The following PHACTR1 variants were observed in gnomAD, a reference collection of about 807,000 sequenced individuals.
PHACTR1 encodes phosphatase and actin regulator 1, also known as RPEL repeat containing 1.
A neutral mutation model predicts 69.2 loss-of-function variants in PHACTR1; 16 were observed. The observed-to-expected ratio is 0.23, with a 90% CI of 0.16 to 0.35. The LOEUF (loss-of-function observed/expected upper bound fraction) is 0.35. PHACTR1 is among the 10% of genes least tolerant of loss of function. PHACTR1 has a pLI of 1.00. For missense variants in PHACTR1, 510 were observed against 734.7 expected, an observed-to-expected ratio of 0.69 and a Z score of 3.54; for synonymous variants, 312 against 284.5, an observed-to-expected ratio of 1.10 and a Z score of -0.97.
intron 4 of PHACTR1, among the ~76,000 whole-genome samples, chr6:12,932,470 T>A (rs868626887): frequency 2.0e-5 from 3 of 152,182 alleles, no homozygotes; most frequent in Admixed American, 2.0e-4. Flanking sequence ...ATAGGCCTTT[T>A]AAAAAAATAA....
intron 4 of PHACTR1, among the ~76,000 whole-genome samples, chr6:12,860,459 A>C (rs1158907055): frequency 2.6e-5 from 4 of 152,112 alleles, no homozygotes; most frequent in Non-Finnish European, 5.9e-5. Context: ...ATAAACATAC[A>C]TGTGCATGCG....
chr6:13,076,124 A>G (rs972887547), intron 5 of PHACTR1, among the ~76,000 whole-genome samples: 2 of 151,850 alleles, frequency 1.3e-5, no homozygotes, highest in East Asian at 3.9e-4. Flanking sequence ...TTGTTCGACA[A>G]ACACTTACCT....
intron 4 of PHACTR1, among the ~76,000 whole-genome samples, chr6:12,779,332 T>A (rs950886271): frequency 3.9e-5 from 6 of 151,938 alleles, no homozygotes; most frequent in Middle Eastern, 3.2e-3. Context: ...CAAAACTCCA[T>A]CTCAAAAATA....
rs891286947 is a variant in PHACTR1 at position 12,980,988 on chromosome 6, C to T, written c.251-72377C>T. ...ATGCCTGGGGATGTGCTTCCATTCT[C>T]CTTGACATAAACCTGGTCAGCTTCC... On this transcript the variant is annotated intron_variant, in intron 4 of 14. Transcript: ENST00000332995. 5.9e-5 allele frequency among the ~76,000 whole-genome samples: 9 copies of T among 152,360 alleles called. No homozygotes were observed. The South Asian group carries it at 1.9e-3, about 32-fold the overall frequency.
At position 13,160,265 on chromosome 6, in the gene PHACTR1, G is replaced by A. The variant is rs1194598595; in HGVS notation, c.477G>A (p.Leu159=). The stretch of plus-strand genomic sequence containing the variant: ...AAGAGCTGATAAAGCGAGGAGTCCT[G>A]AAGGAAATCTATGATAAAGGTAAGG... The part of the protein sequence containing the change: ...SREELIKRGV[L]KEIYDKDGEL... Residue 159 remains leucine, a synonymous_variant, in exon 6 of 15, where the codon CTG becomes CTA. Transcript: ENST00000332995. 1 of 1,613,634 alleles carries A rather than the reference G, an allele frequency of 6.2e-7. No homozygotes were observed. Among genetic ancestry groups the A allele is most frequent in the East Asian group, 2.2e-5 (1 of 44,868 alleles).
At chr6:13,061,146 A>C (rs1446929787) in intron 5 of PHACTR1, among the ~76,000 whole-genome samples, 1 of 152,094 alleles carries the variant, frequency 6.6e-6, no homozygotes, top group African/African-American at 2.4e-5. Flanking sequence ...TCTGTGTCTC[A>C]AGTCTCTCTC....
intron 5 of PHACTR1, among the ~76,000 whole-genome samples, chr6:13,100,519 C>T (rs1371363328): frequency 6.6e-6 from 1 of 152,168 alleles, no homozygotes; most frequent in African/African-American, 2.4e-5. Flanking sequence ...TACCTGAGTA[C>T]CACACTGTTG....
At chr6:12,838,149 G>A (rs866920050) in intron 4 of PHACTR1, among the ~76,000 whole-genome samples, 98 of 152,176 alleles carry the variant, frequency 6.4e-4, no homozygotes, top group African/African-American at 2.3e-3. Context: ...TTCCTATATT[G>A]TATAATTACA....
intron 4 of PHACTR1, among the ~76,000 whole-genome samples, chr6:12,806,842 C>T (rs1256879226): frequency 6.6e-6 from 1 of 152,006 alleles, no homozygotes; most frequent in African/African-American, 2.4e-5. Context: ...AATGGCTGTC[C>T]TTAAAAAACA....
intron 5 of PHACTR1, among the ~76,000 whole-genome samples, chr6:13,078,746 T>C (rs145922893): frequency 6.6e-6 from 1 of 152,334 alleles, no homozygotes; most frequent in Non-Finnish European, 1.5e-5. Context: ...TGAGTAATAG[T>C]AATCCTTCCC....
At chr6:13,074,065 G>A (rs1809997571) in intron 5 of PHACTR1, among the ~76,000 whole-genome samples, 1 of 151,986 alleles carries the variant, frequency 6.6e-6, no homozygotes, top group Non-Finnish European at 1.5e-5. Flanking sequence ...TAGAGACAAG[G>A]TTTCACCATG....
At chr6:12,734,578 TC>T (rs1763996651) in intron 3 of PHACTR1, among the ~76,000 whole-genome samples, 3 of 152,198 alleles carry the variant, frequency 2.0e-5, no homozygotes, top group African/African-American at 7.2e-5. Context: ...AACCATTACT[TC>T]CTATTGTCTG....
chr6:13,184,352 G>A (rs374302442), intron 7 of PHACTR1, among the ~76,000 whole-genome samples: 10 of 152,280 alleles, frequency 6.6e-5, no homozygotes, highest in African/African-American at 2.4e-4. Flanking sequence ...CCTCAGCAAA[G>A]GGCAAGCAGG....
chr6:12,966,038 A>G (rs1320453382), intron 4 of PHACTR1, among the ~76,000 whole-genome samples: 1 of 152,190 alleles, frequency 6.6e-6, no homozygotes, highest in Non-Finnish European at 1.5e-5. Context: ...TGATTGAGGG[A>G]GTAGAATCAA....
chr6:13,280,767 C>G (rs1779981297), intron 12 of PHACTR1: 1 of 365,962 alleles, frequency 2.7e-6, no homozygotes, highest in Non-Finnish European at 5.3e-6. Flanking sequence ...GCCTGTAATC[C>G]CAGCACTTTG....
At chr6:12,733,951 A>G (rs1322219121) in intron 3 of PHACTR1, among the ~76,000 whole-genome samples, 4 of 152,236 alleles carry the variant, frequency 2.6e-5, no homozygotes, top group African/African-American at 9.6e-5. Context: ...AGGAACGCTC[A>G]ACATTCAAAT....
At position 13,265,737 on chromosome 6, in the gene PHACTR1, C is replaced by T. The variant is rs146979712; in HGVS notation, c.1392-7123C>T. Among the ~76,000 whole-genome samples, 214 of 152,288 alleles carry T rather than the reference C, an allele frequency of 1.4e-3. 1 individual carries two copies. Among genetic ancestry groups the T allele is most frequent in the African/African-American group, 4.7e-3 (196 of 41,538 alleles). The stretch of plus-strand genomic sequence containing the variant: ...AGTTACTATATTTTCTTTCCCATTA[C>T]GTTGCTTCCATGATATGACATTTTA... On this transcript the variant is annotated intron_variant, in intron 10 of 14. Coordinates refer to ENST00000332995, the MANE Select transcript of PHACTR1 (RefSeq NM_030948.6).
chr6:12,723,041 T>C (rs1224888835), intron 3 of PHACTR1, among the ~76,000 whole-genome samples: 1 of 152,166 alleles, frequency 6.6e-6, no homozygotes, highest in African/African-American at 2.4e-5. Context: ...TAGTGAACAA[T>C]TGAACTTGAA....
At chr6:13,038,269 G>A (rs575231276) in intron 4 of PHACTR1, among the ~76,000 whole-genome samples, 18 of 152,224 alleles carry the variant, frequency 1.2e-4, no homozygotes, top group Admixed American at 1.1e-3. Context: ...GTGTCAATGA[G>A]AAGAGCCTTC....
Sources: gnomAD v4.1 joint callset for allele counts (sites outside exome capture counted in the v4.1 genomes callset) on GRCh38, gnomAD v4.1.1 for gene constraint, MANE v1.5 for transcripts, NCBI Gene and HGNC (gene_info 2026-07-23, HGNC 2026-07-21) for gene names.